Variants in SAA4 observed in about 807,000 individuals in gnomAD.
The protein encoded by SAA4 is serum amyloid A4, constitutive.
SAA4 carries 8 observed loss-of-function variants against 11.2 expected under a neutral mutation model. The observed-to-expected ratio is 0.71, with a 90% CI of 0.42 to 1.29. SAA4 has a LOEUF of 1.29. Among genes scored for constraint, SAA4 ranks in the 50% most tolerant of loss-of-function variants. The pLI is 0.01. For missense variants in SAA4, 171 were observed against 164.2 expected (o/e 1.04, Z -0.23); for synonymous variants, 60 against 56.2 (o/e 1.07, Z -0.30).
At chr11:18,234,718 G>T (rs1022116347) in intron 2 of SAA4, among the ~76,000 whole-genome samples, 4 of 152,132 alleles carry the variant, frequency 2.6e-5, no homozygotes, top group African/African-American at 7.2e-5. Context: ...CTCTGGCATG[G>T]CATGACTGTC....
intron 2 of SAA4, among the ~76,000 whole-genome samples, chr11:18,233,285 C>T (rs1415589287): frequency 6.6e-6 from 1 of 152,160 alleles, no homozygotes; most frequent in Non-Finnish European, 1.5e-5. Flanking sequence ...ATCATACCTA[C>T]CTCCCTGGTG....
chr11:18,235,747 T>C, intron 2 of SAA4, 89 bp downstream of exon 2: 1 of 1,317,386 alleles, frequency 7.6e-7, no homozygotes, highest in Admixed American at 2.0e-5. Context: ...CTGTGTGGCT[T>C]CTCTAAGGAG....
chr11:18,234,314 C>A (rs746108003), intron 2 of SAA4, among the ~76,000 whole-genome samples: 1 of 152,114 alleles, frequency 6.6e-6, no homozygotes, highest in Non-Finnish European at 1.5e-5. Flanking sequence ...GAGACCCATC[C>A]GGGGTGTGTG....
intron 1 of SAA4, 48 bp from the exon 2 acceptor site, chr11:18,235,978 G>T: frequency 6.6e-7 from 1 of 1,516,076 alleles, no homozygotes. Flanking sequence ...AAAAAACACA[G>T]ATCTATGTTT....
chr11:18,236,373 T>A (rs1165203536), intron 1 of SAA4, among the ~76,000 whole-genome samples: 1 of 152,166 alleles, frequency 6.6e-6, no homozygotes. Context: ...AGGACTGAAT[T>A]TGAAAGACTA....
At chr11:18,235,757 G>A in intron 2 of SAA4, 79 bp downstream of exon 2, 1 of 1,378,274 alleles carries the variant, frequency 7.3e-7, no homozygotes. Flanking sequence ...TCTCTAAGGA[G>A]CACTCACATC....
intron 2 of SAA4, among the ~76,000 whole-genome samples, chr11:18,235,534 C>T (rs563595383): frequency 1.8e-4 from 28 of 152,248 alleles, no homozygotes; most frequent in African/African-American, 6.7e-4. Flanking sequence ...AAACATCATG[C>T]CCTGAGAAAT....
rs775073634 is a variant in SAA4 at position 18,231,523 on chromosome 11, G to T, written c.372C>A (p.Asp124Glu). The T allele has an allele frequency of 1.2e-6, 2 of 1,612,892 alleles. No individual in the cohort carries two copies. Among genetic ancestry groups the T allele is most frequent in the South Asian group, 1.1e-5 (1 of 90,966 alleles). Residue 124 changes from aspartate to glutamate, a missense_variant, in exon 4 of 4, where the codon GAC becomes GAA. Coordinates refer to ENST00000278222, the MANE Select transcript of SAA4 (RefSeq NM_006512.4). ...AAGCTCAGTATTTCTTAGGCAGGCCGTCAGGTCTGAAGCGGTCGGGGTCTT... is the reference window on the plus strand; with the variant it reads ...AAGCTCAGTATTTCTTAGGCAGGCCTTCAGGTCTGAAGCGGTCGGGGTCTT... ...SGKDPDRFRP[D>E]GLPKKY
At chr11:18,234,152 G>A (rs538511057) in intron 2 of SAA4, among the ~76,000 whole-genome samples, 61 of 152,210 alleles carry the variant, frequency 4.0e-4, no homozygotes, top group Non-Finnish European at 7.2e-4. Context: ...TTAGTATGTC[G>A]TAATGTTGAG....
At chr11:18,232,775 A>G (rs1044747655) in intron 2 of SAA4, among the ~76,000 whole-genome samples, 2 of 151,472 alleles carry the variant, frequency 1.3e-5, no homozygotes, top group African/African-American at 4.9e-5. Flanking sequence ...TACATCTTAC[A>G]TGGGTCTGTG....
rs760298674 is a variant in SAA4, at chr11:18,235,859, G to A, written c.68C>T (p.Ser23Leu). 20 of 1,613,382 alleles carry A rather than the reference G, an allele frequency of 1.2e-5. No individual in the cohort carries two copies. Among genetic ancestry groups the A allele is most frequent in the Non-Finnish European group, 1.5e-5 (18 of 1,179,716 alleles). Residue 23 changes from serine to leucine, a missense_variant, in exon 2 of 4, where the codon TCG becomes TTG. Transcript: ENST00000278222. The stretch of plus-strand genomic sequence containing the variant: ...ACCTTGGAGAGCCTCCTTGAAAAAC[G>A]AACGCCAGCTTTCACTGGTGACTCC... ...VMGVTSESWRSFFKEALQGVG... is the reference protein window; with the variant it reads ...VMGVTSESWRLFFKEALQGVG...
intron 3 of SAA4, among the ~76,000 whole-genome samples, chr11:18,232,181 C>CCCCTGCACCCAGT (rs1554916874): frequency 6.6e-6 from 1 of 152,146 alleles, no homozygotes; most frequent in Non-Finnish European, 1.5e-5. Flanking sequence ...CTGCACCCAG[C>CCCCTGCACCCAGT]CCCTGCAACA....
rs115251268 is a variant in SAA4, at chr11:18,235,782, C to T, written c.91+54G>A. On this transcript the variant is annotated intron_variant, in intron 2 of 3. Transcript: ENST00000278222. ...GCACTCACATCCAGTGAGTATGTGG[C>T]CCCTGCTCAGAATGAATCCTGGGTA... is the stretch of plus-strand genomic sequence containing the variant. 2.7e-4 allele frequency: 431 copies of T among 1,571,262 alleles called. 4 individuals are homozygous for T. The African/African-American group carries it at 5.3e-3, about 19-fold the overall frequency.
At chr11:18,234,544 C>T (rs1445025672) in intron 2 of SAA4, among the ~76,000 whole-genome samples, 1 of 152,168 alleles carries the variant, frequency 6.6e-6, no homozygotes, top group African/African-American at 2.4e-5. Flanking sequence ...TTTTTGAGTT[C>T]TGCTGTGGTT....
At chr11:18,235,611 A>T (rs1257400997) in intron 2 of SAA4, among the ~76,000 whole-genome samples, 1 of 152,148 alleles carries the variant, frequency 6.6e-6, no homozygotes, top group African/African-American at 2.4e-5. Flanking sequence ...TGCACTCTAC[A>T]CCAAGAGTAC....
intron 2 of SAA4, among the ~76,000 whole-genome samples, chr11:18,232,920 G>A (rs1304858536): frequency 6.6e-6 from 1 of 152,234 alleles, no homozygotes. Flanking sequence ...ACAAAGAGGG[G>A]ATGCTCATGT....
chr11:18,235,916 A>G lies in SAA4; in HGVS notation c.11T>C (p.Phe4Ser). Residue 4 changes from phenylalanine to serine, a missense_variant, in exon 2 of 4, where the codon TTC (phenylalanine) becomes TCC (serine). Phe to Ser is a radical substitution (Grantham distance 155). Transcript: ENST00000278222. The stretch of plus-strand genomic sequence containing the variant: ...CAAGGAGCAGAAAACAATGCCTGTG[A>G]AAAGCCTCATTGTGCTGAAGAGAAA... MRL[F>S]TGIVFCSLVM... 1 of 1,613,308 alleles carries G rather than the reference A, an allele frequency of 6.2e-7. No homozygotes were observed. Among genetic ancestry groups the G allele is most frequent in the South Asian group, 1.1e-5 (1 of 90,962 alleles).
chr11:18,234,262 G>A (rs185346848), intron 2 of SAA4, among the ~76,000 whole-genome samples: 87 of 152,266 alleles, frequency 5.7e-4, no homozygotes, highest in African/African-American at 2.0e-3. Flanking sequence ...GTAAGAATAG[G>A]AGTTACCTTT....
intron 3 of SAA4, among the ~76,000 whole-genome samples, chr11:18,231,876 CTTTTTTTTTTTTT>C (rs35974284): frequency 4.8e-4 from 34 of 70,718 alleles, no homozygotes; most frequent in African/African-American, 1.4e-3. Flanking sequence ...AGTGCTTTCC[CTTTTTTTTTTTTT>C]TTTTTTTTTT....
Sources: gnomAD v4.1 joint callset for allele counts (sites outside exome capture counted in the v4.1 genomes callset) on GRCh38, gnomAD v4.1.1 for gene constraint, MANE v1.5 for transcripts, NCBI Gene and HGNC (gene_info 2026-07-23, HGNC 2026-07-21) for gene names.